Variants in ZNF280B observed in about 807,000 individuals in gnomAD.
ZNF280B encodes the protein zinc finger protein 280B, also known as suppressor of hairy wing homolog 2.
A neutral mutation model predicts 38.0 loss-of-function variants in ZNF280B; 16 were observed. The ratio of observed to expected loss-of-function variants is 0.42; its 90% CI spans 0.28 to 0.64. The LOEUF (loss-of-function observed/expected upper bound fraction) is 0.64, where lower values mean the gene tolerates loss of function less well. Ranked by LOEUF, ZNF280B falls within the 30% of genes least tolerant of loss-of-function variation. The pLI is 0.21. For synonymous variants in ZNF280B, 253 were observed against 230.6 expected, an observed-to-expected ratio of 1.10 and a Z score of -0.88; for missense variants, 581 against 639.6, an observed-to-expected ratio of 0.91 and a Z score of 0.99.
chr22:22,488,009 T>G lies in ZNF280B; in HGVS notation c.1390A>C (p.Lys464Gln). 1 of 1,613,654 alleles carries G rather than the reference T, an allele frequency of 6.2e-7. No individual in the cohort carries two copies. The highest frequency in any genetic ancestry group is 8.5e-7 in the Non-Finnish European group (1 of 1,179,920). Residue 464 changes from lysine to glutamine, a missense_variant, in exon 4 of 4, where the codon AAG (lysine) becomes CAG (glutamine). Coordinates refer to ENST00000626650, the MANE Select transcript of ZNF280B (RefSeq NM_080764.4). ...AAAGTTAAAAACTGTAGCCGGCACT[T>G]GGAACACTGGTGTGCACTCTTTCCC... ...HWGKSAHQCSKCRLQFLTFKE... is the reference protein window; with the variant it reads ...HWGKSAHQCSQCRLQFLTFKE...
At chr22:22,495,045 A>T (rs2006783) in intron 2 of ZNF280B, among the ~76,000 whole-genome samples, 22,576 of 151,756 alleles carry the variant, frequency 0.15, 1,968 homozygotes, top group South Asian at 0.29. Flanking sequence ...CCATTGTTAT[A>T]ACCACACACG....
rs373928471 is a variant in ZNF280B at position 22,488,010 on chromosome 22, G to C, written c.1389C>G (p.Ser463=). The change falls in exon 4 of 4, where the codon TCC becomes TCG. Residue 463 remains serine (S), a synonymous_variant. Transcript: ENST00000626650. ...GHWGKSAHQC[S]KCRLQFLTFK... is the part of the protein sequence containing the mutation. ...AAGTTAAAAACTGTAGCCGGCACTT[G>C]GAACACTGGTGTGCACTCTTTCCCC... The C allele has an allele frequency of 4.3e-6, 7 of 1,613,414 alleles. No individual in the cohort carries two copies. The highest frequency in any genetic ancestry group is 1.3e-5 in the African/African-American group (1 of 74,764).
chr22:22,495,950 C>T (rs752930687), intron 2 of ZNF280B, among the ~76,000 whole-genome samples: 1 of 151,438 alleles, frequency 6.6e-6, no homozygotes, highest in African/African-American at 2.4e-5. Flanking sequence ...GGATTACAGG[C>T]GCCCACCACC....
chr22:22,499,266 TTTTAA>T (rs2061767308), intron 2 of ZNF280B, among the ~76,000 whole-genome samples: 1 of 151,480 alleles, frequency 6.6e-6, no homozygotes, highest in Admixed American at 6.6e-5. Context: ...TTATTTTTAA[TTTTAA>T]TTTTTTTTTT....
chr22:22,487,840 A>AT lies in ZNF280B; in HGVS notation c.1558dup (p.Ile520AsnfsTer7), dbSNP rs2061522309. On this transcript the variant is annotated frameshift_variant, in exon 4 of 4. Transcript: ENST00000626650. LOFTEE classifies it high-confidence loss of function. Reference sequence around the variant, plus strand: ...TTCAGAGTCAGATGTGCTCACAGTTATGGATGCTACATCCACTGATCCTGG... The same window carrying AT: ...TTCAGAGTCAGATGTGCTCACAGTTATTGGATGCTACATCCACTGATCCTGG... 2 of 1,613,606 alleles carry AT rather than the reference A, an allele frequency of 1.2e-6. No homozygotes were observed. The highest frequency in any genetic ancestry group is 1.7e-6 in the Non-Finnish European group (2 of 1,179,884).
At chr22:22,497,023 G>A (rs1172567256) in intron 2 of ZNF280B, among the ~76,000 whole-genome samples, 2 of 149,978 alleles carry the variant, frequency 1.3e-5, no homozygotes, top group African/African-American at 2.5e-5. Context: ...TGATCATATT[G>A]GTCATGCTGC....
chr22:22,493,732 T>C (rs1343941805), intron 3 of ZNF280B, among the ~76,000 whole-genome samples: 1 of 151,962 alleles, frequency 6.6e-6, no homozygotes, highest in Non-Finnish European at 1.5e-5. Context: ...GACCCTAAAT[T>C]GTTCTGTCTC....
chr22:22,495,562 G>A (rs542655320), intron 2 of ZNF280B, among the ~76,000 whole-genome samples: 11 of 152,068 alleles, frequency 7.2e-5, no homozygotes, highest in African/African-American at 2.4e-4. Flanking sequence ...GGAGGTATAA[G>A]AGAATTGTAA....
rs71199481 is a variant in ZNF280B at position 22,487,447 on chromosome 22, TAAAAAAAAA to T, written c.*311_*319del. ...TAACAGTGAGACCCTGTCTCTAAAG[TAAAAAAAAA>T]AAAAAAAAAAAAAAAAAAAATTAAA... On this transcript the variant is annotated 3_prime_UTR_variant, in exon 4 of 4. Transcript: ENST00000626650. The T allele has an allele frequency of 4.2e-4, 28 of 66,824 alleles. No individual in the cohort carries two copies. Among genetic ancestry groups the T allele is most frequent in the Admixed American group, 3.8e-4 (2 of 5,298 alleles). The allele number at this position is 66,824 out of a possible 1,614,324, so 4.1% of individuals were successfully genotyped here.
At position 22,486,715 on chromosome 22, in the gene ZNF280B, C is replaced by T. The variant is rs931798344; in HGVS notation, c.*1052G>A. 2 of 151,972 alleles carry T rather than the reference C, an allele frequency of 1.3e-5. No homozygotes were observed. Among genetic ancestry groups the T allele is most frequent in the Non-Finnish European group, 2.9e-5 (2 of 68,024 alleles). The allele number at this position is 151,972 out of a possible 1,614,324, so 9.4% of individuals were successfully genotyped here. ...CCCTTCACCAAACAAAAGCATTTTA[C>T]TTTGAATGGTTTGGCTTCCTTGGAT... On this transcript the variant is annotated 3_prime_UTR_variant, in exon 4 of 4. Coordinates refer to ENST00000626650, the MANE Select transcript of ZNF280B (RefSeq NM_080764.4).
In ZNF280B at chr22:22,507,815, G is replaced by C. The variant is rs776554088; in HGVS notation, c.-192C>G. ...GGAGACTTCTCTTTTCTTACCTCAG[G>C]TTTATTACAACGCAACTTTTAAGAA... On this transcript the variant is annotated 5_prime_UTR_variant, in exon 2 of 4. Coordinates refer to ENST00000626650, the MANE Select transcript of ZNF280B (RefSeq NM_080764.4). 1.3e-5 allele frequency: 2 copies of C among 151,866 alleles called. No homozygotes were observed. Among genetic ancestry groups the C allele is most frequent in the African/African-American group, 2.4e-5 (1 of 41,336 alleles). 9.4% of individuals were successfully genotyped at this position (151,866 alleles called of 1,614,324 possible).
Position 22,488,075 on chromosome 22 carries a change from T to G in ZNF280B, c.1324A>C (p.Lys442Gln), listed in dbSNP as rs2061526539. The change falls in exon 4 of 4, where the codon AAA becomes CAA. Residue 442 changes from lysine to glutamine, a missense_variant. Transcript: ENST00000626650. Reference protein sequence around the residue: ...LLCPFCLKIFKTATPYMCHYR... With the variant: ...LLCPFCLKIFQTATPYMCHYR... ...TGACACATGTATGGTGTTGCTGTTTTGAAAATTTTGAGACAAAAGGGACAA... is the reference window on the plus strand; with the variant it reads ...TGACACATGTATGGTGTTGCTGTTTGGAAAATTTTGAGACAAAAGGGACAA... 6.2e-7 allele frequency: 1 copy of G among 1,613,840 alleles called. No homozygotes were observed. The highest frequency in any genetic ancestry group is 1.3e-5 in the African/African-American group (1 of 74,872).
intron 2 of ZNF280B, among the ~76,000 whole-genome samples, chr22:22,496,348 T>G (rs138505357): frequency 0.014 from 2,185 of 151,786 alleles, 51 homozygotes; most frequent in African/African-American, 0.05. Context: ...TCCACCCACC[T>G]TGGCCTCCAA....
chr22:22,499,472 G>A (rs2146824630), intron 2 of ZNF280B, among the ~76,000 whole-genome samples: 1 of 151,360 alleles, frequency 6.6e-6, no homozygotes, highest in East Asian at 2.0e-4. Context: ...TCTCCATGCT[G>A]GTCAGGCTGG....
chr22:22,488,080 AT>A lies in ZNF280B; in HGVS notation c.1318del (p.Ile440PhefsTer31). The part of the protein sequence containing the change: ...KNLLCPFCLK[I>X]FKTATPYMCH... ...CATGTATGGTGTTGCTGTTTTGAAAATTTTGAGACAAAAGGGACAAAGCAAA... is the reference window on the plus strand; with the variant it reads ...CATGTATGGTGTTGCTGTTTTGAAAATTTGAGACAAAAGGGACAAAGCAAA... On this transcript the variant is annotated frameshift_variant, in exon 4 of 4. Transcript: ENST00000626650. LOFTEE classifies it high-confidence loss of function. 2 of 1,613,860 alleles carry A rather than the reference AT, an allele frequency of 1.2e-6. No homozygotes were observed. The highest frequency in any genetic ancestry group is 1.3e-5 in the African/African-American group (1 of 74,954).
intron 2 of ZNF280B, among the ~76,000 whole-genome samples, chr22:22,501,035 A>AAAAAAAAAAAAAAC (rs2061810962): frequency 1.9e-4 from 26 of 140,324 alleles, no homozygotes; most frequent in African/African-American, 5.3e-4. Context: ...AAAAAAAAAA[A>AAAAAAAAAAAAAAC]AAAAAACAAA....
rs752688662 is a variant in ZNF280B at position 22,489,407 on chromosome 22, T to C, written c.-9A>G. ...TCACATGATTGTTCCATTTTCTAAT[T>C]TTTTTATTCCTGAATGGTGGGGCCA... On this transcript the variant is annotated 5_prime_UTR_variant, in exon 4 of 4. Coordinates refer to ENST00000626650, the MANE Select transcript of ZNF280B (RefSeq NM_080764.4). 3.5e-5 allele frequency: 55 copies of C among 1,577,940 alleles called. No individual in the cohort carries two copies. In the Middle Eastern group the frequency reaches 6.8e-4, roughly 20 times the overall value.
intron 3 of ZNF280B, among the ~76,000 whole-genome samples, 165 bp downstream of exon 3, chr22:22,493,898 G>T (rs2061645416): frequency 6.6e-6 from 1 of 151,904 alleles, no homozygotes; most frequent in African/African-American, 2.4e-5. Flanking sequence ...GCTATGGGCT[G>T]AACTGTGTTC....
chr22:22,498,176 A>C (rs2061740029), intron 2 of ZNF280B, among the ~76,000 whole-genome samples: 1 of 151,998 alleles, frequency 6.6e-6, no homozygotes, highest in Non-Finnish European at 1.5e-5. Flanking sequence ...TTAAACAAAG[A>C]TTTGTGGTTG....
Sources: allele counts gnomAD v4.1 joint callset (sites outside exome capture counted in the v4.1 genomes callset), GRCh38; gene constraint gnomAD v4.1.1; transcripts MANE v1.5; gene names NCBI Gene and HGNC (gene_info 2026-07-23, HGNC 2026-07-21).